The following ATR variants were observed in gnomAD, a reference collection of about 807,000 sequenced individuals.
ATR encodes the protein ATR checkpoint kinase.
ATR carries 142 observed loss-of-function variants against 305.3 expected under a neutral mutation model. That is an observed-to-expected ratio of 0.47 (90% confidence interval 0.41 to 0.53). The LOEUF is 0.53. ATR is among the 20% of genes least tolerant of loss of function. The probability of loss-of-function intolerance (pLI) is 0.00; values close to 1 mark genes in which losing one functional copy is unlikely to be tolerated. For synonymous variants in ATR, 1,050 were observed against 1,068.1 expected (o/e 0.98, Z 0.33); for missense variants, 2,135 against 3,133.1 (o/e 0.68, Z 7.60).
intron 45 of ATR, among the ~76,000 whole-genome samples, chr3:142,455,720 A>C (rs995509355): frequency 8.5e-5 from 13 of 152,250 alleles, no homozygotes; most frequent in Admixed American, 6.5e-4. Context: ...ACCTTACACC[A>C]TATCTACAAA....
At position 142,485,414 on chromosome 3, in the gene ATR, A is replaced by C. The variant is rs188019155; in HGVS notation, c.6079-132T>G. ...GCAGAGCAAAGTCAAAAGCAGACTC[A>C]ATCTTTGATGTGGAAAAGGAATAGC... On this transcript the variant is annotated intron_variant, in intron 35 of 46. Transcript: ENST00000350721. The C allele has an allele frequency of 2.8e-5, 31 of 1,105,082 alleles. No homozygotes were observed. In the East Asian group the frequency reaches 7.8e-4, roughly 28 times the overall value. 68.5% of individuals were successfully genotyped at this position (1,105,082 alleles called of 1,614,324 possible).
chr3:142,533,222 G>A (rs2033729711), intron 21 of ATR, among the ~76,000 whole-genome samples: 1 of 152,170 alleles, frequency 6.6e-6, no homozygotes, highest in Non-Finnish European at 1.5e-5. Flanking sequence ...TTGAGCCCAG[G>A]AGTTTCAGGC....
rs761581896 is a variant in ATR, at chr3:142,499,692, G to A, written c.5315C>T (p.Thr1772Met). 8.1e-6 allele frequency: 13 copies of A among 1,613,900 alleles called. No homozygotes were observed. The highest frequency in any genetic ancestry group is 5.3e-5 in the African/African-American group (4 of 74,902). Residue 1772 changes from threonine (T) to methionine (M), a missense_variant, in exon 31 of 47, where the codon ACG becomes ATG. Coordinates refer to ENST00000350721, the MANE Select transcript of ATR (RefSeq NM_001184.4). Reference protein sequence around the residue: ...NRSEWTDELNTYRVEAAWKLS... With the variant: ...NRSEWTDELNMYRVEAAWKLS... ...TTTCCAAGCTGCTTCCACTCTGTAC[G>A]TGTTTAATTCATCTGTCCACTCGGA...
chr3:142,561,293 A>G lies in ATR; in HGVS notation c.1299T>C (p.Arg433=). Residue 433 remains arginine (R), a synonymous_variant, in exon 5 of 47, where the codon CGT becomes CGC. Transcript: ENST00000350721. ...NSDGISPKRR[R]LSSSLNPSKR... is the part of the protein sequence containing the mutation. ...TAGAAGGGTTTAGAGACGAGCTGAGACGACGCCTTTTGGGTGATATTCCAT... is the reference window on the plus strand; with the variant it reads ...TAGAAGGGTTTAGAGACGAGCTGAGGCGACGCCTTTTGGGTGATATTCCAT... 6.2e-7 allele frequency: 1 copy of G among 1,614,118 alleles called. No individual in the cohort carries two copies. Among genetic ancestry groups the G allele is most frequent in the African/African-American group, 1.3e-5 (1 of 75,052 alleles).
At chr3:142,499,484 C>T (rs1442312795) in intron 31 of ATR, 143 bp downstream of exon 31, 15 of 688,808 alleles carry the variant, frequency 2.2e-5, no homozygotes, top group Admixed American at 1.1e-4. Context: ...TTAGTAGAGA[C>T]GGGGTTTCAC....
intron 1 of ATR, among the ~76,000 whole-genome samples, chr3:142,574,281 A>G (rs1242893104): frequency 6.6e-6 from 1 of 151,828 alleles, no homozygotes; most frequent in Non-Finnish European, 1.5e-5. Flanking sequence ...CCTGGGCAAC[A>G]TGGTGAAACC....
intron 3 of ATR, among the ~76,000 whole-genome samples, chr3:142,563,970 A>G (rs1459822674): frequency 1.3e-5 from 2 of 152,238 alleles, no homozygotes; most frequent in Non-Finnish European, 2.9e-5. Flanking sequence ...CCAGTAGGAA[A>G]AAAAGAAGAT....
chr3:142,563,886 A>C (rs2034970137), intron 3 of ATR, among the ~76,000 whole-genome samples: 1 of 152,222 alleles, frequency 6.6e-6, no homozygotes, highest in Non-Finnish European at 1.5e-5. Context: ...AAAGTGAAAC[A>C]GCCTTATTGC....
chr3:142,488,934 C>T (rs1157588247), intron 35 of ATR, among the ~76,000 whole-genome samples: 1 of 152,102 alleles, frequency 6.6e-6, no homozygotes, highest in East Asian at 1.9e-4. Flanking sequence ...TTCTTTTTTA[C>T]TTCACTCAAT....
At chr3:142,523,698 A>G (rs1454672852) in intron 22 of ATR, among the ~76,000 whole-genome samples, 2 of 152,162 alleles carry the variant, frequency 1.3e-5, no homozygotes, top group Non-Finnish European at 2.9e-5. Context: ...TGGAAACACT[A>G]GCAATAATGT....
intron 16 of ATR, among the ~76,000 whole-genome samples, chr3:142,547,290 A>G (rs536783694): frequency 6.6e-6 from 1 of 152,298 alleles, no homozygotes; most frequent in East Asian, 1.9e-4. Flanking sequence ...TCATTTGTTG[A>G]CCTAAGGAAA....
chr3:142,452,225 CTT>C lies in ATR; in HGVS notation c.7761+901_7761+902del, dbSNP rs1264951308. The C allele has an allele frequency of 3.3e-5, 33 of 996,484 alleles. No individual in the cohort carries two copies. The East Asian group carries it at 3.6e-3, about 108-fold the overall frequency. 61.7% of individuals were successfully genotyped at this position (996,484 alleles called of 1,614,324 possible). ...AGTAGGATGAAAGTGGACTTAAACT[CTT>C]TAGGTAGTTAACTGGAATGTAAATT... On this transcript the variant is annotated intron_variant, in intron 46 of 46. Transcript: ENST00000350721.
intron 35 of ATR, 33 bp from the exon 36 acceptor site, chr3:142,485,315 G>A (rs2108311967): frequency 6.2e-7 from 1 of 1,612,094 alleles, no homozygotes; most frequent in Non-Finnish European, 8.5e-7. Flanking sequence ...CCTACCTAAG[G>A]AAATCCCACG....
intron 34 of ATR, among the ~76,000 whole-genome samples, chr3:142,493,868 TAA>T (rs138713659): frequency 3.6e-5 from 5 of 139,606 alleles, no homozygotes; most frequent in Non-Finnish European, 3.1e-5. Flanking sequence ...TCCTCTCTCT[TAA>T]AAAAAAAAAA....
At chr3:142,482,400 A>G (rs2108304636) in intron 36 of ATR, among the ~76,000 whole-genome samples, 1 of 152,344 alleles carries the variant, frequency 6.6e-6, no homozygotes, top group East Asian at 1.9e-4. Flanking sequence ...TACTCACTAT[A>G]CATAACAGTT....
At chr3:142,512,578 C>A in intron 26 of ATR, 108 bp from the exon 27 acceptor site, 1 of 929,064 alleles carries the variant, frequency 1.1e-6, no homozygotes. Flanking sequence ...AAAGAAAAAA[C>A]ACAATTGGCC....
chr3:142,539,989 G>A (rs2108435638), intron 18 of ATR, among the ~76,000 whole-genome samples: 1 of 152,208 alleles, frequency 6.6e-6, no homozygotes, highest in Non-Finnish European at 1.5e-5. Context: ...ACTAAAAGTG[G>A]ACAACCAGAT....
chr3:142,470,034 T>C, intron 37 of ATR, 52 bp downstream of exon 37: 4 of 1,428,420 alleles, frequency 2.8e-6, no homozygotes, highest in Non-Finnish European at 2.9e-6. Context: ...TCTGACTTTA[T>C]ACCAAAGTTA....
At chr3:142,490,630 T>C (rs898398489) in intron 35 of ATR, among the ~76,000 whole-genome samples, 2 of 152,172 alleles carry the variant, frequency 1.3e-5, no homozygotes, top group Admixed American at 1.3e-4. Flanking sequence ...AAATTCATAA[T>C]TTTAGCTTTT....
Sources: gnomAD v4.1 joint callset for allele counts (sites outside exome capture counted in the v4.1 genomes callset) on GRCh38, gnomAD v4.1.1 for gene constraint, MANE v1.5 for transcripts, NCBI Gene and HGNC (gene_info 2026-07-23, HGNC 2026-07-21) for gene names.